Variants in ANO4 observed in about 807,000 individuals in gnomAD.
ANO4 encodes the protein anoctamin 4, also known as anoctamin-4.
Under a neutral mutation model 141.9 loss-of-function variants are expected in ANO4, and 69 were observed. The ratio of observed to expected loss-of-function variants is 0.49; its 90% CI spans 0.40 to 0.59. The LOEUF is 0.59. Ranked by LOEUF, ANO4 falls within the 20% of genes least tolerant of loss-of-function variation. The pLI, the probability that ANO4 is intolerant of heterozygous loss-of-function variation, is 0.00. For missense variants in ANO4, 894 were observed against 1,162.2 expected (o/e 0.77, Z 3.36); for synonymous variants, 350 against 394.3 (o/e 0.89, Z 1.33).
At chr12:100,786,099 C>T (rs993442236) in intron 3 of ANO4, among the ~76,000 whole-genome samples, 1 of 152,154 alleles carries the variant, frequency 6.6e-6, no homozygotes, top group African/African-American at 2.4e-5. Flanking sequence ...ACTAGCTAAT[C>T]ACTCCTGTAG....
chr12:101,000,342 G>T (rs1170413015), intron 8 of ANO4, among the ~76,000 whole-genome samples: 2 of 152,188 alleles, frequency 1.3e-5, no homozygotes, highest in African/African-American at 4.8e-5. Flanking sequence ...AGTAACATAT[G>T]ACTACTTGCT....
intron 1 of ANO4, among the ~76,000 whole-genome samples, chr12:100,850,482 A>T (rs560702316): frequency 4.0e-5 from 6 of 151,702 alleles, no homozygotes; most frequent in African/African-American, 1.5e-4. Flanking sequence ...TTCTGTCTTG[A>T]GGATCTAAAT....
intron 9 of ANO4, among the ~76,000 whole-genome samples, chr12:101,033,061 C>G (rs986775321): frequency 2.0e-5 from 3 of 152,152 alleles, no homozygotes; most frequent in Non-Finnish European, 4.4e-5. Context: ...AGACTTGGAA[C>G]CAACCTAAAT....
chr12:101,029,904 G>A (rs1256406039), intron 9 of ANO4, among the ~76,000 whole-genome samples: 9 of 6,850 alleles, frequency 1.3e-3, no homozygotes, highest in East Asian at 6.5e-3. Flanking sequence ...GCAAGTCTCC[G>A]TCTAAAAAAA....
intron 9 of ANO4, among the ~76,000 whole-genome samples, chr12:101,035,732 C>T (rs2136585329): frequency 6.6e-6 from 1 of 152,212 alleles, no homozygotes; most frequent in Non-Finnish European, 1.5e-5. Context: ...GGCCATTATC[C>T]TAGGTGAATT....
At chr12:100,893,176 G>C (rs1030865229) in intron 1 of ANO4, among the ~76,000 whole-genome samples, 1 of 151,394 alleles carries the variant, frequency 6.6e-6, no homozygotes, top group Non-Finnish European at 1.5e-5. Flanking sequence ...TGGTGAATGA[G>C]CTGATCTTAG....
chr12:101,088,926 T>C (rs2136913490), intron 17 of ANO4, among the ~76,000 whole-genome samples: 1 of 152,248 alleles, frequency 6.6e-6, no homozygotes, highest in South Asian at 2.1e-4. Flanking sequence ...TAAAGGTTTG[T>C]AGTGTAAATA....
intron 9 of ANO4, among the ~76,000 whole-genome samples, chr12:101,031,396 TA>T (rs1461172846): frequency 6.6e-6 from 1 of 152,174 alleles, no homozygotes; most frequent in Non-Finnish European, 1.5e-5. Context: ...CCCTTCATGC[TA>T]AAAACTCTCA....
At chr12:100,904,762 G>A (rs888287862) in intron 2 of ANO4, among the ~76,000 whole-genome samples, 4 of 152,092 alleles carry the variant, frequency 2.6e-5, no homozygotes, top group Admixed American at 6.5e-5. Context: ...TCCATAATTT[G>A]ATTTATATTT....
chr12:101,080,960 T>C (rs1429615570), intron 15 of ANO4, among the ~76,000 whole-genome samples: 1 of 145,948 alleles, frequency 6.9e-6, no homozygotes, highest in African/African-American at 2.5e-5. Context: ...TTCAAACATA[T>C]ATATATATGT....
intron 17 of ANO4, among the ~76,000 whole-genome samples, chr12:101,091,830 A>G (rs573503158): frequency 1.6e-4 from 24 of 152,182 alleles, no homozygotes; most frequent in Admixed American, 1.3e-3. Context: ...GCTAACTAAA[A>G]TAACTAAAAT....
At chr12:100,731,990 G>A (rs183816469) in intron 1 of ANO4, among the ~76,000 whole-genome samples, 2 of 152,300 alleles carry the variant, frequency 1.3e-5, no homozygotes, top group Non-Finnish European at 2.9e-5. Context: ...CTCTACGGAA[G>A]GACATCTTGG....
At chr12:100,944,287 T>G (rs1465368746) in intron 5 of ANO4, among the ~76,000 whole-genome samples, 4 of 152,292 alleles carry the variant, frequency 2.6e-5, no homozygotes, top group Middle Eastern at 3.4e-3. Flanking sequence ...ACAGTTGTGC[T>G]GCACAGTACA....
rs995997018 is a variant in ANO4, at chr12:100,922,287, G to A, written c.117G>A (p.Lys39=). Residue 39 remains lysine, a synonymous_variant, in exon 3 of 28, where the codon AAG becomes AAA. Coordinates refer to ENST00000392977, the MANE Select transcript of ANO4 (RefSeq NM_001286615.2). ...LDMQILPDGP[K]SDVDFSEILN... ...TGCAAATACTACCTGACGGGCCAAA[G>A]AGTGATGTGGACTTTTCAGAGATTC... The A allele has an allele frequency of 1.3e-6, 2 of 1,533,196 alleles. No homozygotes were observed. The highest frequency in any genetic ancestry group is 8.7e-7 in the Non-Finnish European group (1 of 1,145,992). 95.0% of individuals were successfully genotyped at this position (1,533,196 alleles called of 1,614,324 possible).
intron 4 of ANO4, among the ~76,000 whole-genome samples, chr12:100,941,957 A>AATTATT (rs138288410): frequency 0.12 from 17,817 of 143,014 alleles, 1,224 homozygotes; most frequent in East Asian, 0.29. Context: ...CAATGAAAAA[A>AATTATT]ATTATTATTA....
intron 1 of ANO4, among the ~76,000 whole-genome samples, chr12:100,849,474 C>T (rs190084473): frequency 6.6e-5 from 10 of 152,266 alleles, no homozygotes; most frequent in Admixed American, 1.3e-4. Context: ...TTTCACAAGA[C>T]GAATGGTAAC....
chr12:101,068,284 G>A, intron 14 of ANO4: 1 of 1,428,898 alleles, frequency 7.0e-7, no homozygotes, highest in Non-Finnish European at 9.6e-7. Context: ...TGCCTCTGCT[G>A]CAGATTCCGC....
intron 1 of ANO4, among the ~76,000 whole-genome samples, chr12:100,811,842 G>A (rs1485069521): frequency 6.6e-6 from 1 of 152,154 alleles, no homozygotes. Flanking sequence ...TAGCCAGAGT[G>A]ATGGATAAGA....
chr12:100,944,340 G>T (rs1311349528), intron 5 of ANO4, among the ~76,000 whole-genome samples: 1 of 151,560 alleles, frequency 6.6e-6, no homozygotes, highest in Non-Finnish European at 1.5e-5. Flanking sequence ...GTACGATTTT[G>T]TCTATATACA....
Sources: allele counts gnomAD v4.1 joint callset (sites outside exome capture counted in the v4.1 genomes callset), GRCh38; gene constraint gnomAD v4.1.1; transcripts MANE v1.5; gene names NCBI Gene and HGNC (gene_info 2026-07-23, HGNC 2026-07-21).